LZIC: variants seen among roughly 807,000 people sequenced by gnomAD.
LZIC encodes the protein leucine zipper and CTNNBIP1 domain containing.
LZIC carries 28 observed loss-of-function variants against 25.4 expected under a neutral mutation model. The observed-to-expected ratio is 1.10, with a 90% CI of 0.82 to 1.51. The LOEUF (loss-of-function observed/expected upper bound fraction) is 1.51, where lower values mean the gene tolerates loss of function less well. Among genes scored for constraint, LZIC ranks in the 40% most tolerant of loss-of-function variants. The pLI is 0.00. For missense variants in LZIC, 170 were observed against 211.1 expected (o/e 0.81, Z 1.21); for synonymous variants, 65 against 70.7 (o/e 0.92, Z 0.40).
In LZIC at chr1:9,930,686, G is replaced by C. The variant is rs529648168; in HGVS notation, c.515-229C>G. Among the ~76,000 whole-genome samples, 3 of 151,136 alleles carry C rather than the reference G, an allele frequency of 2.0e-5. No homozygotes were observed. In the South Asian group the frequency reaches 6.3e-4, roughly 32 times the overall value. On this transcript the variant is annotated intron_variant, in intron 7 of 7. Coordinates refer to ENST00000377223, the MANE Select transcript of LZIC (RefSeq NM_032368.5). ...TTATTAGTTATAAATCCTTATTCTA[G>C]CTATGAAATATAATATGTAAAATTT... is the stretch of plus-strand genomic sequence containing the variant.
chr1:9,937,897 A>G (rs1325921404), intron 2 of LZIC, among the ~76,000 whole-genome samples: 1 of 151,872 alleles, frequency 6.6e-6, no homozygotes, highest in East Asian at 1.9e-4. Flanking sequence ...AAGATAGTTA[A>G]ACAAAGAAAA....
At chr1:9,922,889 T>C (rs1009813790), downstream of LZIC, among the ~76,000 whole-genome samples, 18 of 152,186 alleles carry the variant, frequency 1.2e-4, no homozygotes, top group African/African-American at 4.1e-4. Context: ...TAGTTTTAAT[T>C]TGCCTTCCAT....
chr1:9,932,096 AGGCGT>A (rs375729974), intron 6 of LZIC, 124 bp from the exon 7 acceptor site: 33 of 64,534 alleles, frequency 5.1e-4, no homozygotes, highest in African/African-American at 5.7e-4. Context: ...GCACTTTGGG[AGGCGT>A]GGGGGGGGGG....
rs371491173 is a variant in LZIC at position 9,939,373 on chromosome 1, C to CTT, written c.-8-2748_-8-2747dup. 3.7e-5 allele frequency among the ~76,000 whole-genome samples: 5 copies of CTT among 133,400 alleles called. 1 individual carries two copies. Among genetic ancestry groups the CTT allele is most frequent in the African/African-American group, 2.7e-5 (1 of 36,696 alleles). The allele number at this position is 133,400 out of a possible 152,430, so 87.5% of individuals were successfully genotyped here. A position where few individuals can be genotyped will look rare whatever the true frequency, so the allele number is the denominator to read the frequency against. On this transcript the variant is annotated intron_variant, in intron 2 of 7. Transcript: ENST00000377223. ...CACCCCACTTGGCTTTTTTTTTTTT[C>CTT]TTTTTTTTTTGACACAGAGTATCGC... is the stretch of plus-strand genomic sequence containing the variant.
chr1:9,942,942 A>C, intron 1 of LZIC, 160 bp from the exon 2 acceptor site: 1 of 354,466 alleles, frequency 2.8e-6, no homozygotes, highest in Non-Finnish European at 5.6e-6. Context: ...GTTTCTTCCT[A>C]GCGAGGCCGA....
At chr1:9,923,633 A>G (rs1162530194), downstream of LZIC, among the ~76,000 whole-genome samples, 2 of 150,128 alleles carry the variant, frequency 1.3e-5, no homozygotes, top group African/African-American at 4.9e-5. Context: ...CAAGTATAGT[A>G]TAGAATTTTT....
chr1:9,929,826 A>C lies in LZIC; in HGVS notation c.*573T>G. The C allele has an allele frequency of 1.0e-6, 1 of 984,006 alleles. No individual in the cohort carries two copies. The highest frequency in any genetic ancestry group is 1.2e-6 in the Non-Finnish European group (1 of 828,664). The allele number at this position is 984,006 out of a possible 1,614,324, so 61.0% of individuals were successfully genotyped here. On this transcript the variant is annotated 3_prime_UTR_variant, in exon 8 of 8. Transcript: ENST00000377223. ...ATGGTACAGAAATAAAATTCAAAAG[A>C]TACTAAACTGGGAGTCAGGACACCT...
chr1:9,932,899 C>G lies in LZIC; in HGVS notation c.337-1G>C. Reference sequence around the variant, plus strand: ...TTCCTACCATCAGATCTCTATCCATCTAAAACGTATGAATGCAAGGCATAT... The same window carrying G: ...TTCCTACCATCAGATCTCTATCCATGTAAAACGTATGAATGCAAGGCATAT... On this transcript the variant is annotated splice_acceptor_variant, in intron 5 of 7. Transcript: ENST00000377223. LOFTEE classifies it high-confidence loss of function. The G allele has an allele frequency of 6.3e-7, 1 of 1,593,246 alleles. No individual in the cohort carries two copies. The highest frequency in any genetic ancestry group is 8.6e-7 in the Non-Finnish European group (1 of 1,162,054).
At chr1:9,939,987 T>G (rs1029519630) in intron 2 of LZIC, among the ~76,000 whole-genome samples, 1 of 151,916 alleles carries the variant, frequency 6.6e-6, no homozygotes, top group East Asian at 2.0e-4. Flanking sequence ...GGCATGGTGG[T>G]GTGTGCTTGT....
In LZIC at chr1:9,929,020, G is replaced by A. The variant is rs1165442444; in HGVS notation, c.*1379C>T. 3 of 152,226 alleles carry A rather than the reference G, an allele frequency of 2.0e-5. No individual in the cohort carries two copies. The highest frequency in any genetic ancestry group is 4.4e-5 in the Non-Finnish European group (3 of 68,144). 9.4% of individuals were successfully genotyped at this position (152,226 alleles called of 1,614,324 possible). Reference sequence around the variant, plus strand: ...TGCAGATTAGTGGCTATTGTTAGCAGTCGGAGGAGAAGGGAATGGGGACTA... The same window carrying A: ...TGCAGATTAGTGGCTATTGTTAGCAATCGGAGGAGAAGGGAATGGGGACTA... On this transcript the variant is annotated 3_prime_UTR_variant, in exon 8 of 8. Coordinates refer to ENST00000377223, the MANE Select transcript of LZIC (RefSeq NM_032368.5).
intron 7 of LZIC, 42 bp from the exon 8 acceptor site, chr1:9,930,499 G>A: frequency 6.2e-7 from 1 of 1,606,898 alleles, no homozygotes; most frequent in Non-Finnish European, 8.5e-7. Context: ...ATTATTTCAA[G>A]TGCAGTTGCA....
intron 5 of LZIC, 62 bp from the exon 6 acceptor site, chr1:9,932,960 T>C: frequency 8.5e-7 from 1 of 1,178,240 alleles, no homozygotes; most frequent in Non-Finnish European, 1.3e-6. Flanking sequence ...ATACAAAATA[T>C]AGCTTTTCAG....
chr1:9,922,858 G>A (rs1639895078), downstream of LZIC, among the ~76,000 whole-genome samples: 1 of 152,176 alleles, frequency 6.6e-6, no homozygotes, highest in Non-Finnish European at 1.5e-5. Flanking sequence ...GGGCTGCAGG[G>A]TCTGAAAAGG....
At chr1:9,939,375 T>TTTTTC (rs1358324416) in intron 2 of LZIC, among the ~76,000 whole-genome samples, 3 of 147,064 alleles carry the variant, frequency 2.0e-5, no homozygotes, top group African/African-American at 7.5e-5. Context: ...TTTTTTTTCT[T>TTTTTC]TTTTTTTTGA....
chr1:9,935,760 G>T, intron 3 of LZIC, 133 bp from the exon 4 acceptor site: 1 of 776,108 alleles, frequency 1.3e-6, no homozygotes, highest in Non-Finnish European at 2.0e-6. Context: ...TCACATAGTA[G>T]TAGTGAGGGC....
chr1:9,941,500 CTT>C (rs1217006418), intron 2 of LZIC, among the ~76,000 whole-genome samples: 25 of 132,384 alleles, frequency 1.9e-4, no homozygotes, highest in Admixed American at 3.1e-4. Flanking sequence ...TAGCCTTTAC[CTT>C]TTTTTTTTTT....
chr1:9,931,233 AT>A (rs554286240), intron 7 of LZIC, among the ~76,000 whole-genome samples: 19 of 150,986 alleles, frequency 1.3e-4, no homozygotes, highest in Non-Finnish European at 1.9e-4. Flanking sequence ...CACCTAGCTA[AT>A]TTTTTTTCTT....
rs376488928 is a variant in LZIC, at chr1:9,939,132, C to T, written c.-8-2505G>A. On this transcript the variant is annotated intron_variant, in intron 2 of 7. Transcript: ENST00000377223. Reference sequence around the variant, plus strand: ...TTGCTCTGTCGCCCCGACTGGAGTGCGGTGGCACGATTTCGGCTCACTGCA... The same window carrying T: ...TTGCTCTGTCGCCCCGACTGGAGTGTGGTGGCACGATTTCGGCTCACTGCA... Among the ~76,000 whole-genome samples, 75 of 152,164 alleles carry T rather than the reference C, an allele frequency of 4.9e-4. No individual in the cohort carries two copies. In the South Asian group the frequency reaches 0.012, roughly 24 times the overall value.
At chr1:9,930,525 G>A in intron 7 of LZIC, 68 bp from the exon 8 acceptor site, 1 of 1,595,004 alleles carries the variant, frequency 6.3e-7, no homozygotes, top group South Asian at 1.1e-5. Flanking sequence ...TGGTAAAGTG[G>A]GAAAAAATCT....
Sources: gnomAD v4.1 joint callset for allele counts (sites outside exome capture counted in the v4.1 genomes callset) on GRCh38, gnomAD v4.1.1 for gene constraint, MANE v1.5 for transcripts, NCBI Gene and HGNC (gene_info 2026-07-23, HGNC 2026-07-21) for gene names.